LGR6: variants seen among roughly 807,000 people sequenced by gnomAD.
LGR6 encodes leucine rich repeat containing G protein-coupled receptor 6.
Under a neutral mutation model 69.4 loss-of-function variants are expected in LGR6, and 45 were observed. The ratio of observed to expected loss-of-function variants is 0.65; its 90% CI spans 0.51 to 0.83. The LOEUF (loss-of-function observed/expected upper bound fraction) is 0.83. Among genes scored for constraint, LGR6 ranks in the 40% least tolerant of loss-of-function variants. The pLI is 0.00. For missense variants in LGR6, 1,108 were observed against 1,246.7 expected (o/e 0.89, Z 1.68); for synonymous variants, 538 against 555.0 (o/e 0.97, Z 0.43).
At chr1:202,306,519 G>A (rs1653204577) in intron 12 of LGR6, among the ~76,000 whole-genome samples, 1 of 152,176 alleles carries the variant, frequency 6.6e-6, no homozygotes, top group Admixed American at 6.5e-5. Context: ...CAGTCACTTG[G>A]GTTGGGCGGT....
intron 14 of LGR6, 96 bp from the exon 15 acceptor site, chr1:202,308,955 C>T (rs1653490537): frequency 1.4e-6 from 2 of 1,464,400 alleles, no homozygotes; most frequent in Admixed American, 3.6e-5. Flanking sequence ...TCTCCTCTTG[C>T]TTCCATCCCA....
At chr1:202,205,965 AC>A (rs1189963118) in intron 1 of LGR6, among the ~76,000 whole-genome samples, 2 of 96,132 alleles carry the variant, frequency 2.1e-5, no homozygotes, top group African/African-American at 6.7e-5. Flanking sequence ...ACACACAGAC[AC>A]ACAACACACA....
chr1:202,225,337 T>A, intron 1 of LGR6, 86 bp from the exon 2 acceptor site: 2 of 1,208,008 alleles, frequency 1.7e-6, no homozygotes, highest in Non-Finnish European at 2.5e-6. Context: ...GCCTCGGAGG[T>A]CCCTCGAGGG....
chr1:202,287,214 A>C (rs914610880), intron 6 of LGR6, among the ~76,000 whole-genome samples: 2 of 152,190 alleles, frequency 1.3e-5, no homozygotes, highest in African/African-American at 4.8e-5. Context: ...ATATTTATTA[A>C]GTTTTTAGTA....
chr1:202,214,509 C>T (rs1659634826), intron 1 of LGR6, among the ~76,000 whole-genome samples: 1 of 151,922 alleles, frequency 6.6e-6, no homozygotes, highest in East Asian at 1.9e-4. Context: ...GCCCCCGGGG[C>T]CGCCGCTTAG....
chr1:202,258,811 C>A (rs923441622), intron 4 of LGR6, among the ~76,000 whole-genome samples: 8 of 151,786 alleles, frequency 5.3e-5, no homozygotes, highest in African/African-American at 1.9e-4. Context: ...CTGTCTTATG[C>A]GTTAGAGCTT....
chr1:202,305,846 C>A, intron 12 of LGR6, 97 bp downstream of exon 12: 2 of 915,444 alleles, frequency 2.2e-6, no homozygotes, highest in South Asian at 1.3e-5. Context: ...AGGGCCAATG[C>A]ACACTTTGAC....
intron 15 of LGR6, 115 bp from the exon 16 acceptor site, chr1:202,310,082 T>C (rs1653595690): frequency 1.9e-6 from 2 of 1,037,198 alleles, no homozygotes; most frequent in African/African-American, 1.6e-5. Context: ...AACTTGGGAG[T>C]TGAAGGACAG....
chr1:202,259,637 T>G (rs909723165), intron 4 of LGR6, among the ~76,000 whole-genome samples: 4 of 152,348 alleles, frequency 2.6e-5, no homozygotes, highest in Middle Eastern at 3.4e-3. Flanking sequence ...TTTTAAAGGC[T>G]TAATTGATGT....
At chr1:202,302,474 C>T (rs965111731) in intron 9 of LGR6, among the ~76,000 whole-genome samples, 32 of 152,224 alleles carry the variant, frequency 2.1e-4, no homozygotes, top group Admixed American at 5.2e-4. Flanking sequence ...TCCGTGTCCT[C>T]AATAAAATAG....
At chr1:202,245,371 A>G (rs1482089659) in intron 4 of LGR6, among the ~76,000 whole-genome samples, 2 of 152,072 alleles carry the variant, frequency 1.3e-5, no homozygotes. Context: ...GGCTCCTGAG[A>G]GATGCTAGGA....
intron 1 of LGR6, among the ~76,000 whole-genome samples, chr1:202,215,473 G>A (rs960389556): frequency 6.6e-6 from 1 of 152,078 alleles, no homozygotes; most frequent in East Asian, 1.9e-4. Context: ...CAGAATTCAC[G>A]CCCACATACC....
chr1:202,301,355 C>T (rs1667581288), intron 9 of LGR6, 120 bp downstream of exon 9: 2 of 846,710 alleles, frequency 2.4e-6, no homozygotes, highest in Admixed American at 2.0e-5. Context: ...CACTGCAAAG[C>T]GTGGTCTTCA....
chr1:202,271,828 A>AG (rs1553249598), intron 4 of LGR6, among the ~76,000 whole-genome samples: 4 of 151,050 alleles, frequency 2.6e-5, no homozygotes, highest in East Asian at 1.9e-4. Context: ...AAAAAAAAAA[A>AG]AGAGAGAGGG....
chr1:202,297,433 A>G, intron 6 of LGR6, 75 bp from the exon 7 acceptor site: 1 of 1,248,066 alleles, frequency 8.0e-7, no homozygotes, highest in African/African-American at 1.5e-5. Context: ...CCCAGAGCCA[A>G]GTTTCCATTT....
chr1:202,214,991 GT>G (rs1488125588), intron 1 of LGR6, among the ~76,000 whole-genome samples: 43 of 26,710 alleles, frequency 1.6e-3, no homozygotes, highest in East Asian at 4.9e-3. Flanking sequence ...GTGCACCTGG[GT>G]GTGTGTGTGT....
At position 202,216,613 on chromosome 1, in the gene LGR6, G is replaced by A. The variant is rs118060786; in HGVS notation, c.213-8810G>A. Among the ~76,000 whole-genome samples the A allele has an allele frequency of 1.5e-3, 224 of 150,994 alleles. 3 individuals carry two copies. In the East Asian group the frequency reaches 0.039, roughly 26 times the overall value. ...CTGCGCTGGACAGTGTAGGTCTTGCGTTGTCTCTCAGAGAGGTAGTAGAGA... is the reference window on the plus strand; with the variant it reads ...CTGCGCTGGACAGTGTAGGTCTTGCATTGTCTCTCAGAGAGGTAGTAGAGA... On this transcript the variant is annotated intron_variant, in intron 1 of 17. Coordinates refer to ENST00000367278, the MANE Select transcript of LGR6 (RefSeq NM_001017403.2).
intron 6 of LGR6, among the ~76,000 whole-genome samples, chr1:202,283,483 C>T (rs1666165439): frequency 6.6e-6 from 1 of 152,202 alleles, no homozygotes; most frequent in Non-Finnish European, 1.5e-5. Flanking sequence ...GGTATTTCTC[C>T]CTCAGGCCCC....
At chr1:202,211,880 C>G (rs757608237) in intron 1 of LGR6, among the ~76,000 whole-genome samples, 4 of 152,142 alleles carry the variant, frequency 2.6e-5, no homozygotes, top group Non-Finnish European at 5.9e-5. Flanking sequence ...TGATTTCTAA[C>G]AACATAGGTA....
Sources: allele counts gnomAD v4.1 joint callset (sites outside exome capture counted in the v4.1 genomes callset), GRCh38; gene constraint gnomAD v4.1.1; transcripts MANE v1.5; gene names NCBI Gene and HGNC (gene_info 2026-07-23, HGNC 2026-07-21).